Variants in MGA observed in about 807,000 individuals in gnomAD.
MGA encodes the protein MAX gene-associated protein.
A neutral mutation model predicts 261.1 loss-of-function variants in MGA; 40 were observed. The ratio of observed to expected loss-of-function variants is 0.15; its 90% CI spans 0.12 to 0.20. The LOEUF (loss-of-function observed/expected upper bound fraction) is 0.20. Ranked by LOEUF, MGA falls within the 10% of genes least tolerant of loss-of-function variation. The pLI, the probability that MGA is intolerant of heterozygous loss-of-function variation, is 1.00. For missense variants in MGA, 3,397 were observed against 3,630.5 expected, an observed-to-expected ratio of 0.94 and a Z score of 1.65; for synonymous variants, 1,302 against 1,290.6, an observed-to-expected ratio of 1.01 and a Z score of -0.19.
chr15:41,706,803 AC>A (rs144602257), intron 5 of MGA, among the ~76,000 whole-genome samples: 1,908 of 152,076 alleles, frequency 0.013, 35 homozygotes, highest in African/African-American at 0.044. Context: ...CGAACTCCTG[AC>A]CTCAAGTGAT....
rs375306764 is a variant in MGA, at chr15:41,760,373, A to G, written c.7242A>G (p.Leu2414=). The change falls in exon 20 of 24, where the codon CTA becomes CTG. Residue 2414 remains leucine (L), a synonymous_variant. Transcript: ENST00000219905. ...AGCCTGATTACTGGAGTGACAAACT[A>G]CAGAAAGAAGCAGAAGCGTTTGCTT... 234 of 1,614,050 alleles carry G rather than the reference A, an allele frequency of 1.4e-4. No homozygotes were observed. In the African/African-American group the frequency reaches 2.5e-3, roughly 17 times the overall value.
At chr15:41,672,077 G>T (rs1027684396) in intron 2 of MGA, among the ~76,000 whole-genome samples, 10 of 152,312 alleles carry the variant, frequency 6.6e-5, no homozygotes, top group South Asian at 4.1e-4. Context: ...TTATTGTACC[G>T]TTGGATGATG....
chr15:41,657,141 C>G (rs1248881707), upstream of MGA, among the ~76,000 whole-genome samples: 1 of 152,092 alleles, frequency 6.6e-6, no homozygotes, highest in Non-Finnish European at 1.5e-5. Context: ...AGATATCTTG[C>G]CATTTTTAAT....
Position 41,704,408 on chromosome 15 carries a change from C to T in MGA, c.2189-3320C>T, listed in dbSNP as rs558387597. The stretch of plus-strand genomic sequence containing the variant: ...GGCGCGGTGGCTCACGCCTGTAATC[C>T]CAGCACTTTGGGAGGCCAAGGCGGG... On this transcript the variant is annotated intron_variant, in intron 5 of 23. Transcript: ENST00000219905. 2.0e-5 allele frequency among the ~76,000 whole-genome samples: 3 copies of T among 152,160 alleles called. No individual in the cohort carries two copies. The South Asian group carries it at 6.2e-4, about 32-fold the overall frequency.
chr15:41,714,928 T>G (rs145395878), intron 9 of MGA, among the ~76,000 whole-genome samples: 1 of 152,198 alleles, frequency 6.6e-6, no homozygotes, highest in Non-Finnish European at 1.5e-5. Context: ...AAACTTTTTT[T>G]CTGTAAATTG....
chr15:41,764,913 A>G lies in MGA; in HGVS notation c.7772A>G (p.His2591Arg). 4 of 1,613,972 alleles carry G rather than the reference A, an allele frequency of 2.5e-6. No homozygotes were observed. The highest frequency in any genetic ancestry group is 3.4e-6 in the Non-Finnish European group (4 of 1,179,872). ...AATACCTCACCCTTGAACACTCCACACACCTCTGCCAACCTTGTGATGACT... is the reference window on the plus strand; with the variant it reads ...AATACCTCACCCTTGAACACTCCACGCACCTCTGCCAACCTTGTGATGACT... The change falls in exon 23 of 24, where the codon CAC becomes CGC. Residue 2591 changes from histidine (H) to arginine (R), a missense_variant. Physicochemically the swap from His to Arg is conservative, Grantham distance 29 (BLOSUM62 0). This residue lies in a region of MGA where 647 missense variants were observed against 642.4 expected (regional missense o/e 1.01). Coordinates refer to ENST00000219905, the MANE Select transcript of MGA (RefSeq NM_001164273.2).
At position 41,768,050 on chromosome 15, in the gene MGA, T is replaced by C. The variant is rs914399950; in HGVS notation, c.*770T>C. ...GGAGTATATATTTTGGAGGTAGGCA[T>C]AGAGGGAGCCCTACCCCTTCCACAA... On this transcript the variant is annotated 3_prime_UTR_variant, in exon 24 of 24. Coordinates refer to ENST00000219905, the MANE Select transcript of MGA (RefSeq NM_001164273.2). 1 of 152,664 alleles carries C rather than the reference T, an allele frequency of 6.6e-6. No homozygotes were observed. The highest frequency in any genetic ancestry group is 2.1e-4 in the South Asian group (1 of 4,822). 9.5% of individuals were successfully genotyped at this position (152,664 alleles called of 1,614,324 possible).
intron 10 of MGA, 29 bp from the exon 11 acceptor site, chr15:41,729,132 GTAT>G: frequency 6.2e-7 from 1 of 1,600,762 alleles, no homozygotes; most frequent in Non-Finnish European, 8.5e-7. Context: ...TTTTCCCACT[GTAT>G]GGAATATTTT....
chr15:41,710,755 C>T lies in MGA; in HGVS notation c.2490C>T (p.Tyr830=), dbSNP rs2060349243. The change falls in exon 8 of 24, where the codon TAC becomes TAT. Residue 830 remains tyrosine (Y), a synonymous_variant. Coordinates refer to ENST00000219905, the MANE Select transcript of MGA (RefSeq NM_001164273.2). ...TCTGTAGTGATAAGCTAGATGAATA[C>T]TTGGAAAATGAAGGCAAGCTGATGG... 1.9e-6 allele frequency: 3 copies of T among 1,613,814 alleles called. No homozygotes were observed. The highest frequency in any genetic ancestry group is 2.2e-5 in the South Asian group (2 of 91,068).
chr15:41,695,282 G>T (rs1020375920), intron 2 of MGA, among the ~76,000 whole-genome samples: 1 of 151,284 alleles, frequency 6.6e-6, no homozygotes, highest in Non-Finnish European at 1.5e-5. Flanking sequence ...TCCGCCTCCC[G>T]GGTTCAAGCG....
At chr15:41,701,193 TTTC>T (rs1294002637) in intron 5 of MGA, among the ~76,000 whole-genome samples, 3 of 152,332 alleles carry the variant, frequency 2.0e-5, no homozygotes, top group Non-Finnish European at 4.4e-5. Flanking sequence ...CCCCTTTTCC[TTTC>T]TTCATTTCTC....
intron 3 of MGA, among the ~76,000 whole-genome samples, chr15:41,698,065 T>A (rs1595765785): frequency 6.8e-6 from 1 of 147,354 alleles, no homozygotes; most frequent in Non-Finnish European, 1.5e-5. Flanking sequence ...AGAGACGGGG[T>A]TTCACCATAT....
At position 41,727,313 on chromosome 15, in the gene MGA, G is replaced by A; in HGVS notation, c.3564G>A (p.Leu1188=). The change falls in exon 10 of 24, where the codon TTG becomes TTA. Residue 1188 remains leucine, a synonymous_variant. Transcript: ENST00000219905. Reference sequence around the variant, plus strand: ...TTGAGCCTATGAAACCATTGTTATTGCCTCAGCCAGAAGTTTTATCTCCTA... The same window carrying A: ...TTGAGCCTATGAAACCATTGTTATTACCTCAGCCAGAAGTTTTATCTCCTA... 1 of 1,613,908 alleles carries A rather than the reference G, an allele frequency of 6.2e-7. No homozygotes were observed. Among genetic ancestry groups the A allele is most frequent in the Non-Finnish European group, 8.5e-7 (1 of 1,179,862 alleles).
At chr15:41,638,972 A>G (rs2056768124) in intron 1 of MGA, among the ~76,000 whole-genome samples, 1 of 151,880 alleles carries the variant, frequency 6.6e-6, no homozygotes, top group Admixed American at 6.6e-5. Flanking sequence ...TGGCCTCCCA[A>G]AGTGCTAGGA....
intron 22 of MGA, among the ~76,000 whole-genome samples, chr15:41,763,082 TTC>T (rs2063575628): frequency 6.7e-6 from 1 of 149,386 alleles, no homozygotes. Flanking sequence ...GGCTCTATTT[TTC>T]TTTCTTCCTT....
chr15:41,662,099 A>G (rs144004743), intron 1 of MGA, among the ~76,000 whole-genome samples: 1 of 152,198 alleles, frequency 6.6e-6, no homozygotes, highest in African/African-American at 2.4e-5. Context: ...TGCGTATCGG[A>G]ACAGCGCTAG....
intron 5 of MGA, among the ~76,000 whole-genome samples, chr15:41,703,283 G>A (rs2151388075): frequency 6.6e-6 from 1 of 150,380 alleles, no homozygotes; most frequent in South Asian, 2.1e-4. Context: ...CATATCAAGA[G>A]TACATACATT....
intron 18 of MGA, among the ~76,000 whole-genome samples, chr15:41,756,647 A>C (rs1176131949): frequency 3.9e-5 from 6 of 152,216 alleles, no homozygotes; most frequent in Non-Finnish European, 7.4e-5. Flanking sequence ...CTGAAAAAAA[A>C]ATTCGGGGAA....
At chr15:41,687,108 T>C (rs76891658) in intron 2 of MGA, among the ~76,000 whole-genome samples, 1 of 152,166 alleles carries the variant, frequency 6.6e-6, no homozygotes, top group South Asian at 2.1e-4. Flanking sequence ...ATTCAAATCA[T>C]GACTTCAAGT....
Sources: allele counts gnomAD v4.1 joint callset (sites outside exome capture counted in the v4.1 genomes callset), GRCh38; gene constraint gnomAD v4.1.1; regional missense constraint gnomAD v4.1.1; transcripts MANE v1.5; gene names NCBI Gene and HGNC (gene_info 2026-07-23, HGNC 2026-07-21).